NALF1: variants seen among roughly 807,000 people sequenced by gnomAD.
NALF1 encodes the protein NALCN channel auxiliary factor 1, also known as family with sequence similarity 155 member A.
Under a neutral mutation model 48.4 loss-of-function variants are expected in NALF1, and 3 were observed. The observed-to-expected ratio is 0.06, with a 90% confidence interval of 0.03 to 0.16. NALF1 has a LOEUF of 0.16. Among genes scored for constraint, NALF1 ranks in the 10% least tolerant of loss-of-function variants. NALF1 has a pLI of 1.00. For synonymous variants in NALF1, 262 were observed against 245.7 expected (o/e 1.07, Z -0.62); for missense variants, 526 against 571.5 (o/e 0.92, Z 0.81).
intron 1 of NALF1, among the ~76,000 whole-genome samples, chr13:107,511,133 AG>A (rs1420448058): frequency 6.6e-6 from 1 of 152,192 alleles, no homozygotes; most frequent in East Asian, 1.9e-4. Context: ...GGCTGTTCAC[AG>A]TGACACCGGA....
intron 1 of NALF1, among the ~76,000 whole-genome samples, chr13:107,652,101 C>T (rs751247336): frequency 2.6e-5 from 4 of 152,096 alleles, no homozygotes; most frequent in Non-Finnish European, 5.9e-5. Flanking sequence ...CTAGCTTTAG[C>T]ACTAAAAAAA....
At chr13:107,429,999 A>G (rs76579742) in intron 1 of NALF1, among the ~76,000 whole-genome samples, 11,056 of 152,240 alleles carry the variant, frequency 0.073, 1,297 homozygotes, top group African/African-American at 0.25. Flanking sequence ...TAACTTTCCT[A>G]TACAAGAGCT....
rs774028339 is a variant in NALF1 at position 107,222,576 on chromosome 13, G to A, written c.916-11821C>T. Among the ~76,000 whole-genome samples, 6 of 151,298 alleles carry A rather than the reference G, an allele frequency of 4.0e-5. No homozygotes were observed. The South Asian group carries it at 6.4e-4, about 16-fold the overall frequency. ...TCCTGTGTGTGTTCGCCCCGCTTAG[G>A]AGAAGCCCGACTGAAGTTAAACAGC... On this transcript the variant is annotated intron_variant, in intron 1 of 2. Transcript: ENST00000375915.
In NALF1 at chr13:107,576,958, G is replaced by A. The variant is rs539631730; in HGVS notation, c.915+288724C>T. ...CAAGGAAGGGAGTTAAGTAAACTCG[G>A]GGTCAATTCCCTTAAATAAATTAGA... On this transcript the variant is annotated intron_variant, in intron 1 of 2. Transcript: ENST00000375915. 2.0e-5 allele frequency among the ~76,000 whole-genome samples: 3 copies of A among 152,200 alleles called. No homozygotes were observed. The East Asian group carries it at 5.8e-4, about 29-fold the overall frequency.
intron 1 of NALF1, among the ~76,000 whole-genome samples, chr13:107,442,009 A>G (rs1444332517): frequency 6.6e-6 from 1 of 152,238 alleles, no homozygotes; most frequent in Admixed American, 6.5e-5. Flanking sequence ...ATTAGAGACC[A>G]ACATATATTT....
intron 1 of NALF1, among the ~76,000 whole-genome samples, chr13:107,735,827 G>A (rs1334656040): frequency 2.0e-5 from 3 of 152,082 alleles, no homozygotes; most frequent in Admixed American, 6.6e-5. Flanking sequence ...AATACCGCAG[G>A]CTTTGGCCTG....
chr13:107,379,729 A>C (rs1883398582), intron 1 of NALF1, among the ~76,000 whole-genome samples: 1 of 152,158 alleles, frequency 6.6e-6, no homozygotes, highest in Non-Finnish European at 1.5e-5. Context: ...TGTTTGATGA[A>C]CTCTACTCCA....
intron 1 of NALF1, among the ~76,000 whole-genome samples, chr13:107,564,852 C>G (rs1304843391): frequency 1.3e-5 from 2 of 151,992 alleles, no homozygotes; most frequent in Admixed American, 1.3e-4. Flanking sequence ...GGTCTAAGAG[C>G]CATTAGGGAC....
chr13:107,211,019 T>A (rs1465713065), intron 1 of NALF1, among the ~76,000 whole-genome samples: 1 of 152,230 alleles, frequency 6.6e-6, no homozygotes, highest in East Asian at 1.9e-4. Context: ...TGTGGCTTAT[T>A]TGAAAATCAG....
At chr13:107,833,084 C>T (rs1416626627) in intron 1 of NALF1, among the ~76,000 whole-genome samples, 3 of 152,174 alleles carry the variant, frequency 2.0e-5, no homozygotes. Context: ...TAATGGTACC[C>T]GCCCTGCAGT....
chr13:107,439,064 T>C (rs2139024428), intron 1 of NALF1, among the ~76,000 whole-genome samples: 1 of 152,110 alleles, frequency 6.6e-6, no homozygotes, highest in South Asian at 2.1e-4. Flanking sequence ...AACACACGCA[T>C]ATTTTAAAGA....
At chr13:107,684,574 A>C (rs1881386038) in intron 1 of NALF1, among the ~76,000 whole-genome samples, 1 of 152,190 alleles carries the variant, frequency 6.6e-6, no homozygotes, top group Non-Finnish European at 1.5e-5. Context: ...TTATCTGCCC[A>C]ATGTTCCTTT....
intron 2 of NALF1, among the ~76,000 whole-genome samples, chr13:107,207,292 TTC>T (rs1879663788): frequency 6.6e-6 from 1 of 152,214 alleles, no homozygotes; most frequent in Admixed American, 6.5e-5. Context: ...CTTTTTATTA[TTC>T]TGTTTTCAGA....
intron 1 of NALF1, among the ~76,000 whole-genome samples, chr13:107,840,208 C>G (rs963265449): frequency 1.1e-4 from 16 of 152,152 alleles, no homozygotes; most frequent in African/African-American, 3.9e-4. Context: ...AGGAAAGAAA[C>G]AGAGGATTGA....
intron 1 of NALF1, among the ~76,000 whole-genome samples, chr13:107,314,054 A>G (rs377282679): frequency 1.2e-4 from 19 of 152,224 alleles, no homozygotes; most frequent in Admixed American, 2.6e-4. Context: ...AATAACTACA[A>G]CTTAAAATAA....
chr13:107,275,550 A>AT (rs149489541), intron 1 of NALF1, among the ~76,000 whole-genome samples: 10,997 of 150,782 alleles, frequency 0.073, 747 homozygotes, highest in East Asian at 0.37. Flanking sequence ...TTGAGCAGTG[A>AT]TTTTTTTTTT....
At chr13:107,178,292 G>A (rs1320330740) in intron 2 of NALF1, among the ~76,000 whole-genome samples, 1 of 152,162 alleles carries the variant, frequency 6.6e-6, no homozygotes, top group African/African-American at 2.4e-5. Flanking sequence ...GAAAACATTT[G>A]AAGAATACTC....
chr13:107,317,261 T>G (rs1358185114), intron 1 of NALF1, among the ~76,000 whole-genome samples: 2 of 152,060 alleles, frequency 1.3e-5, no homozygotes, highest in South Asian at 2.1e-4. Context: ...ATAAAATCAT[T>G]TATTGAGACA....
At chr13:107,814,270 C>A (rs568074194) in intron 1 of NALF1, among the ~76,000 whole-genome samples, 26 of 152,216 alleles carry the variant, frequency 1.7e-4, no homozygotes, top group African/African-American at 5.3e-4. Flanking sequence ...TATTTTTAGA[C>A]AATACCCCTA....
Sources: gnomAD v4.1 joint callset for allele counts (sites outside exome capture counted in the v4.1 genomes callset) on GRCh38, gnomAD v4.1.1 for gene constraint, MANE v1.5 for transcripts, NCBI Gene and HGNC (gene_info 2026-07-23, HGNC 2026-07-21) for gene names.